ARHGEF38: variants seen among roughly 807,000 people sequenced by gnomAD.
The protein encoded by ARHGEF38 is Rho guanine nucleotide exchange factor 38, also known as Rho guanine nucleotide exchange factor (GEF) 38.
Under a neutral mutation model 79.9 loss-of-function variants are expected in ARHGEF38, and 79 were observed. The ratio of observed to expected loss-of-function variants is 0.99; its 90% CI spans 0.82 to 1.19. The LOEUF (loss-of-function observed/expected upper bound fraction) is 1.19. Ranked by LOEUF, ARHGEF38 falls within the 50% of genes most tolerant of loss-of-function variation. The probability of loss-of-function intolerance (pLI) is 0.00; values close to 1 mark genes in which losing one functional copy is unlikely to be tolerated. For synonymous variants in ARHGEF38, 366 were observed against 328.3 expected (o/e 1.11, Z -1.24); for missense variants, 962 against 907.2 (o/e 1.06, Z -0.78).
chr4:105,566,042 C>G (rs1291620884), intron 1 of ARHGEF38, among the ~76,000 whole-genome samples: 1 of 152,140 alleles, frequency 6.6e-6, no homozygotes, highest in Non-Finnish European at 1.5e-5. Flanking sequence ...CTCACCCTCC[C>G]CTCTCAAATC....
In ARHGEF38 at chr4:105,648,661, T is replaced by G. The variant is rs71599065; in HGVS notation, c.987T>G (p.Ile329Met). ...KSKRVTNHLK[I>M]LTRGESQVKD... ...AAAGAGTGACAAATCATCTGAAGAT[T>G]CTGACCAGAGGAGAATCACAGGTAA... The change falls in exon 7 of 14, where the codon ATT (isoleucine) becomes ATG (methionine). Residue 329 changes from isoleucine to methionine, a missense_variant. Transcript: ENST00000420470. 15 of 1,530,490 alleles carry G rather than the reference T, an allele frequency of 9.8e-6. No homozygotes were observed. Among genetic ancestry groups the G allele is most frequent in the Non-Finnish European group, 1.3e-5 (15 of 1,144,802 alleles). 94.8% of individuals were successfully genotyped at this position (1,530,490 alleles called of 1,614,324 possible).
rs796325566 is a variant in ARHGEF38 at position 105,679,363 on chromosome 4, G to A, written c.*1426G>A. The A allele has an allele frequency of 1.3e-5, 15 of 1,170,326 alleles. No individual in the cohort carries two copies. In the African/African-American group the frequency reaches 2.3e-4, roughly 18 times the overall value. 72.5% of individuals were successfully genotyped at this position (1,170,326 alleles called of 1,614,324 possible). ...AAGCAAACACCCATATTTCCTTTCA[G>A]GAGGCACACTCTGGTAATCTGAGAC... On this transcript the variant is annotated 3_prime_UTR_variant, in exon 14 of 14. Coordinates refer to ENST00000420470, the MANE Select transcript of ARHGEF38 (RefSeq NM_001242729.2).
chr4:105,586,576 T>C (rs1727059668), intron 1 of ARHGEF38, among the ~76,000 whole-genome samples: 1 of 152,096 alleles, frequency 6.6e-6, no homozygotes, highest in Non-Finnish European at 1.5e-5. Flanking sequence ...TGTGATTGAG[T>C]CCTGGAATTT....
chr4:105,585,021 T>A (rs940037296), intron 1 of ARHGEF38, among the ~76,000 whole-genome samples: 1 of 152,192 alleles, frequency 6.6e-6, no homozygotes, highest in Non-Finnish European at 1.5e-5. Context: ...CATCCCTATT[T>A]TTTTTCCTCT....
chr4:105,581,007 A>C (rs945159525), intron 1 of ARHGEF38, among the ~76,000 whole-genome samples: 4 of 152,094 alleles, frequency 2.6e-5, no homozygotes, highest in African/African-American at 7.2e-5. Context: ...AGAGTTCTGT[A>C]GAGGTCTAGA....
chr4:105,676,230 G>T (rs1222544410), intron 13 of ARHGEF38, among the ~76,000 whole-genome samples: 1 of 152,118 alleles, frequency 6.6e-6, no homozygotes, highest in Non-Finnish European at 1.5e-5. Flanking sequence ...GAGTTAATCT[G>T]CTTGTCTTTT....
chr4:105,578,575 T>C (rs1213342568), intron 1 of ARHGEF38, among the ~76,000 whole-genome samples: 2 of 152,158 alleles, frequency 1.3e-5, no homozygotes, highest in Non-Finnish European at 2.9e-5. Context: ...AGTAATTGTT[T>C]TATGAAGATG....
chr4:105,562,896 G>C (rs1206488471), intron 1 of ARHGEF38, among the ~76,000 whole-genome samples: 1 of 152,190 alleles, frequency 6.6e-6, no homozygotes, highest in Non-Finnish European at 1.5e-5. Context: ...GCCGAGCTGT[G>C]ATGTGGTCTC....
chr4:105,616,848 G>C (rs1175055927), intron 3 of ARHGEF38, among the ~76,000 whole-genome samples: 1 of 152,176 alleles, frequency 6.6e-6, no homozygotes, highest in Non-Finnish European at 1.5e-5. Context: ...TGTGCTCTAA[G>C]CAAGTGATTA....
rs577013092 is a variant in ARHGEF38 at position 105,563,068 on chromosome 4, A to T, written c.196+10107A>T. Reference sequence around the variant, plus strand: ...GGCCTGAGAGGTGCTTTCATCTGAGATAATTCCTAAAGAGGGCATATCTGC... The same window carrying T: ...GGCCTGAGAGGTGCTTTCATCTGAGTTAATTCCTAAAGAGGGCATATCTGC... On this transcript the variant is annotated intron_variant, in intron 1 of 13. Transcript: ENST00000420470. Among the ~76,000 whole-genome samples, 10 of 152,254 alleles carry T rather than the reference A, an allele frequency of 6.6e-5. No individual in the cohort carries two copies. In the East Asian group the frequency reaches 1.7e-3, roughly 26 times the overall value.
chr4:105,603,587 T>C (rs892922326), intron 2 of ARHGEF38, among the ~76,000 whole-genome samples: 1 of 152,104 alleles, frequency 6.6e-6, no homozygotes, highest in African/African-American at 2.4e-5. Flanking sequence ...TCTGTCCCAG[T>C]TGGTGATTTG....
At chr4:105,597,287 A>G (rs565774990) in intron 2 of ARHGEF38, among the ~76,000 whole-genome samples, 1 of 152,312 alleles carries the variant, frequency 6.6e-6, no homozygotes, top group East Asian at 1.9e-4. Flanking sequence ...TGCCCACATA[A>G]CAAATAGAAG....
intron 1 of ARHGEF38, among the ~76,000 whole-genome samples, chr4:105,554,491 A>T (rs4699188): frequency 0.72 from 110,122 of 152,132 alleles, 41,308 homozygotes; most frequent in Non-Finnish European, 0.84. Context: ...TTTGCTTAGG[A>T]TAATGGCCTC....
intron 1 of ARHGEF38, among the ~76,000 whole-genome samples, chr4:105,576,823 A>C (rs984708516): frequency 3.3e-5 from 5 of 152,080 alleles, no homozygotes; most frequent in African/African-American, 1.2e-4. Context: ...TTTATCATAA[A>C]GGGATGCTGA....
At chr4:105,631,474 T>A in intron 4 of ARHGEF38, 2 of 985,826 alleles carry the variant, frequency 2.0e-6, no homozygotes, top group Non-Finnish European at 2.4e-6. Context: ...TTCCCCAAAC[T>A]CACTGTGGGG....
intron 2 of ARHGEF38, among the ~76,000 whole-genome samples, chr4:105,590,335 T>G (rs1727279924): frequency 6.6e-6 from 1 of 152,048 alleles, no homozygotes; most frequent in Non-Finnish European, 1.5e-5. Flanking sequence ...ATTAGGGTTG[T>G]AAATACACAA....
chr4:105,634,056 C>G (rs1449960367), intron 4 of ARHGEF38, among the ~76,000 whole-genome samples: 1 of 152,090 alleles, frequency 6.6e-6, no homozygotes, highest in East Asian at 1.9e-4. Context: ...TCCCTTGCGC[C>G]AGATCCACCA....
At chr4:105,677,652 A>T (rs2110590900) in intron 13 of ARHGEF38, 100 bp from the exon 14 acceptor site, 1 of 1,168,608 alleles carries the variant, frequency 8.6e-7, no homozygotes, top group Non-Finnish European at 1.1e-6. Flanking sequence ...GGCAAAACAA[A>T]AAAACTTTAG....
intron 7 of ARHGEF38, among the ~76,000 whole-genome samples, chr4:105,652,346 A>G (rs1424872274): frequency 6.6e-6 from 1 of 152,236 alleles, no homozygotes; most frequent in Non-Finnish European, 1.5e-5. Flanking sequence ...CATTAAAACA[A>G]CAATAGTTAA....
Sources: allele counts gnomAD v4.1 joint callset (sites outside exome capture counted in the v4.1 genomes callset), GRCh38; gene constraint gnomAD v4.1.1; transcripts MANE v1.5; gene names NCBI Gene and HGNC (gene_info 2026-07-23, HGNC 2026-07-21).